DLC1: variants seen among roughly 807,000 people sequenced by gnomAD.
DLC1 encodes the protein rho GTPase-activating protein 7.
Under a neutral mutation model 140.3 loss-of-function variants are expected in DLC1, and 54 were observed. The observed-to-expected ratio is 0.38, with a 90% CI of 0.31 to 0.48. The LOEUF is 0.48. Among genes scored for constraint, DLC1 ranks in the 20% least tolerant of loss-of-function variants. The pLI is 0.96. For missense variants in DLC1, 2,536 were observed against 1,907.0 expected (o/e 1.33, Z -6.14); for synonymous variants, 986 against 728.1 (o/e 1.35, Z -5.70).
At chr8:13,474,078 G>T (rs935377052) in intron 2 of DLC1, among the ~76,000 whole-genome samples, 1 of 152,184 alleles carries the variant, frequency 6.6e-6, no homozygotes, top group African/African-American at 2.4e-5. Flanking sequence ...AGGTCTTCAT[G>T]GCAGCCCCTC....
intron 1 of DLC1, among the ~76,000 whole-genome samples, chr8:13,529,211 A>G (rs1012528021): frequency 5.9e-5 from 9 of 152,236 alleles, no homozygotes; most frequent in African/African-American, 2.2e-4. Context: ...AAAAGAAAAA[A>G]AACAGAACAA....
intron 4 of DLC1, among the ~76,000 whole-genome samples, chr8:13,348,864 C>A (rs1430762173): frequency 1.3e-5 from 2 of 152,100 alleles, no homozygotes; most frequent in Admixed American, 6.6e-5. Flanking sequence ...GTATTCTCAA[C>A]CTTCTTGAGG....
At chr8:13,413,663 A>G (rs1031396560) in intron 2 of DLC1, among the ~76,000 whole-genome samples, 3 of 151,956 alleles carry the variant, frequency 2.0e-5, no homozygotes, top group African/African-American at 4.8e-5. Context: ...TGTTCTCATG[A>G]TAGTGCTTGA....
At chr8:13,154,608 G>A (rs1824110282) in intron 5 of DLC1, among the ~76,000 whole-genome samples, 2 of 152,180 alleles carry the variant, frequency 1.3e-5, no homozygotes, top group African/African-American at 4.8e-5. Flanking sequence ...AGCAGAGGGA[G>A]CTGGCTCTGG....
chr8:13,488,140 C>A (rs570203388), intron 2 of DLC1, among the ~76,000 whole-genome samples: 2 of 152,248 alleles, frequency 1.3e-5, no homozygotes, highest in South Asian at 2.1e-4. Flanking sequence ...TTATGCTGAC[C>A]TTGTTATAAC....
chr8:13,338,716 T>C (rs1833907709), intron 4 of DLC1: 1 of 152,082 alleles, frequency 6.6e-6, no homozygotes, highest in South Asian at 2.1e-4. Flanking sequence ...GCTCACCTCA[T>C]CCCAAAAACC....
At chr8:13,414,733 G>C (rs377759468) in intron 2 of DLC1, among the ~76,000 whole-genome samples, 4 of 152,132 alleles carry the variant, frequency 2.6e-5, no homozygotes, top group Admixed American at 1.3e-4. Flanking sequence ...AACATTCAGT[G>C]AATTAGCTTA....
chr8:13,531,802 A>G (rs1803107660), intron 1 of DLC1, among the ~76,000 whole-genome samples: 1 of 152,216 alleles, frequency 6.6e-6, no homozygotes. Context: ...CACCTCAGCT[A>G]TCTCTAAGCA....
Position 13,115,570 on chromosome 8 carries a change from G to A in DLC1, c.1420+16C>T, listed in dbSNP as rs773802112. 2.5e-6 allele frequency: 4 copies of A among 1,609,218 alleles called. No individual in the cohort carries two copies. Among genetic ancestry groups the A allele is most frequent in the Admixed American group, 3.4e-5 (2 of 59,266 alleles). On this transcript the variant is annotated intron_variant, in intron 6 of 17. Coordinates refer to ENST00000276297, the MANE Select transcript of DLC1 (RefSeq NM_182643.3). The stretch of plus-strand genomic sequence containing the variant: ...ATGATTATGCCAACTTTTAAAAAGT[G>A]GCATTCCCAGCTTACCTTCATAAAG...
At chr8:13,526,038 A>T (rs1306801948) in intron 1 of DLC1, among the ~76,000 whole-genome samples, 1 of 152,126 alleles carries the variant, frequency 6.6e-6, no homozygotes, top group African/African-American at 2.4e-5. Context: ...CTTTTTAAGT[A>T]TGGACATGCA....
At chr8:13,453,458 A>ATG (rs1433474738) in intron 2 of DLC1, among the ~76,000 whole-genome samples, 1 of 26,926 alleles carries the variant, frequency 3.7e-5, no homozygotes, top group Non-Finnish European at 6.5e-5. Context: ...ACATATATAT[A>ATG]TGTATATATA....
intron 1 of DLC1, among the ~76,000 whole-genome samples, chr8:13,591,442 C>T (rs923249551): frequency 2.6e-5 from 4 of 152,088 alleles, no homozygotes; most frequent in Non-Finnish European, 5.9e-5. Flanking sequence ...CGCCTTCTCT[C>T]TCCTGCCACC....
At chr8:13,370,486 G>A (rs979782774) in intron 4 of DLC1, among the ~76,000 whole-genome samples, 3 of 152,008 alleles carry the variant, frequency 2.0e-5, no homozygotes, top group African/African-American at 7.2e-5. Flanking sequence ...CTCCAGGGCA[G>A]ACTTCTTCTT....
intron 4 of DLC1, among the ~76,000 whole-genome samples, chr8:13,392,019 A>C (rs1480522091): frequency 3.9e-5 from 6 of 151,996 alleles, no homozygotes; most frequent in Non-Finnish European, 5.9e-5. Context: ...GAGATCTTCC[A>C]TTTTCTTATC....
chr8:13,131,222 C>T (rs1822048426), intron 5 of DLC1, among the ~76,000 whole-genome samples: 1 of 152,188 alleles, frequency 6.6e-6, no homozygotes, highest in South Asian at 2.1e-4. Context: ...GAGGACCAGT[C>T]TGTAGTCCAG....
At chr8:13,583,496 G>A (rs143967997) in intron 1 of DLC1, among the ~76,000 whole-genome samples, 1 of 152,062 alleles carries the variant, frequency 6.6e-6, no homozygotes, top group African/African-American at 2.4e-5. Flanking sequence ...TCATATCTGC[G>A]ACAACTTCCT....
intron 13 of DLC1, 139 bp downstream of exon 13, chr8:13,092,473 G>T: frequency 1.2e-6 from 1 of 863,076 alleles, no homozygotes. Context: ...CTTTATTAGC[G>T]GTGTGAGAAT....
At chr8:13,325,664 A>C (rs1833310723) in intron 4 of DLC1, among the ~76,000 whole-genome samples, 1 of 152,182 alleles carries the variant, frequency 6.6e-6, no homozygotes, top group Non-Finnish European at 1.5e-5. Flanking sequence ...AAAATGCTAT[A>C]ACGATTTAGG....
At chr8:13,373,079 G>A (rs963139034) in intron 4 of DLC1, among the ~76,000 whole-genome samples, 2 of 151,990 alleles carry the variant, frequency 1.3e-5, no homozygotes, top group East Asian at 1.9e-4. Context: ...GCCGTGGTGC[G>A]ATCACAGCTC....
Sources: allele counts gnomAD v4.1 joint callset (sites outside exome capture counted in the v4.1 genomes callset), GRCh38; gene constraint gnomAD v4.1.1; transcripts MANE v1.5; gene names NCBI Gene and HGNC (gene_info 2026-07-23, HGNC 2026-07-21).